Variants in VEGFC observed in about 807,000 individuals in gnomAD.
VEGFC encodes vascular endothelial growth factor C, also known as FLT4 ligand DHM.
VEGFC carries 12 observed loss-of-function variants against 46.1 expected under a neutral mutation model. That is an observed-to-expected ratio of 0.26 (90% CI 0.17 to 0.42). The LOEUF (loss-of-function observed/expected upper bound fraction) is 0.42, where lower values mean the gene tolerates loss of function less well. Among genes scored for constraint, VEGFC ranks in the 10% least tolerant of loss-of-function variants. The pLI, the probability that VEGFC is intolerant of heterozygous loss-of-function variation, is 1.00. For missense variants in VEGFC, 488 were observed against 529.4 expected (o/e 0.92, Z 0.77); for synonymous variants, 232 against 195.5 (o/e 1.19, Z -1.56).
chr4:176,713,063 T>C (rs923978259), intron 3 of VEGFC, among the ~76,000 whole-genome samples: 5 of 152,174 alleles, frequency 3.3e-5, no homozygotes, highest in African/African-American at 1.2e-4. Flanking sequence ...TCTCAGATTA[T>C]AAAGATTACA....
chr4:176,784,849 T>G (rs1314211944), intron 1 of VEGFC, among the ~76,000 whole-genome samples: 3 of 150,514 alleles, frequency 2.0e-5, no homozygotes, highest in African/African-American at 7.3e-5. Context: ...AATTAGCATC[T>G]ACTCATTGTG....
At chr4:176,772,404 T>C (rs1735738704) in intron 1 of VEGFC, among the ~76,000 whole-genome samples, 1 of 152,208 alleles carries the variant, frequency 6.6e-6, no homozygotes, top group African/African-American at 2.4e-5. Flanking sequence ...CAAAAGGTCT[T>C]ACATGGTAGC....
intron 3 of VEGFC, among the ~76,000 whole-genome samples, chr4:176,724,344 A>G (rs1734838836): frequency 6.6e-6 from 1 of 152,162 alleles, no homozygotes; most frequent in South Asian, 2.1e-4. Context: ...ATGTGATACT[A>G]AAAGAGATTT....
At position 176,792,258 on chromosome 4, in the gene VEGFC, C is replaced by A; in HGVS notation, c.54G>T (p.Leu18=). The part of the protein sequence containing the change: ...SVACSLLAAA[L]LPGPREAPAA... ...CGGGCGCCTCGCGAGGACCCGGGAG[C>A]AGCGCAGCGGCGAGCAGAGAACACG... The change falls in exon 1 of 7, where the codon CTG becomes CTT. Residue 18 remains leucine, a synonymous_variant. Transcript: ENST00000618562. The surrounding 1 kb of genome is among the most constrained non-coding windows in gnomAD (Gnocchi z 6.3). 1 of 1,558,202 alleles carries A rather than the reference C, an allele frequency of 6.4e-7. No homozygotes were observed. Among genetic ancestry groups the A allele is most frequent in the Admixed American group, 1.9e-5 (1 of 51,990 alleles).
intron 4 of VEGFC, among the ~76,000 whole-genome samples, chr4:176,709,019 G>A (rs1395824237): frequency 2.6e-5 from 4 of 152,168 alleles, no homozygotes; most frequent in African/African-American, 9.7e-5. Context: ...AATCAGGTAT[G>A]GCTTACTCTA....
intron 4 of VEGFC, among the ~76,000 whole-genome samples, chr4:176,702,636 T>G (rs1489473645): frequency 6.6e-6 from 1 of 152,126 alleles, no homozygotes; most frequent in African/African-American, 2.4e-5. Flanking sequence ...CCTGGTTTAT[T>G]AACTGTGCAC....
chr4:176,770,979 T>TACACAC (rs148140472), intron 1 of VEGFC, among the ~76,000 whole-genome samples: 82,084 of 148,290 alleles, frequency 0.55, 23,562 homozygotes, highest in East Asian at 0.82. Flanking sequence ...AAGTAACTGA[T>TACACAC]ACACACACAC....
chr4:176,766,844 G>A (rs550265064), intron 1 of VEGFC, among the ~76,000 whole-genome samples: 6 of 151,692 alleles, frequency 4.0e-5, no homozygotes, highest in East Asian at 1.9e-4. Context: ...CAGGTTGATC[G>A]TAAATATAAA....
chr4:176,714,486 C>T (rs565558134), intron 3 of VEGFC, among the ~76,000 whole-genome samples: 3 of 152,134 alleles, frequency 2.0e-5, no homozygotes, highest in Non-Finnish European at 2.9e-5. Context: ...TTAGGTATTC[C>T]TTTATAGCAA....
At chr4:176,697,580 T>A (rs1188600012) in intron 4 of VEGFC, among the ~76,000 whole-genome samples, 1 of 150,572 alleles carries the variant, frequency 6.6e-6, no homozygotes, top group African/African-American at 2.4e-5. Context: ...AGTGTGGCGA[T>A]TCCTCAGGGA....
intron 1 of VEGFC, among the ~76,000 whole-genome samples, chr4:176,780,905 G>A (rs1243833737): frequency 1.3e-5 from 2 of 152,220 alleles, no homozygotes; most frequent in East Asian, 1.9e-4. Context: ...TAAGTTATGT[G>A]TCACTGTGTG....
intron 3 of VEGFC, among the ~76,000 whole-genome samples, chr4:176,727,536 G>A (rs899442870): frequency 2.0e-5 from 3 of 152,078 alleles, no homozygotes; most frequent in Admixed American, 6.6e-5. Flanking sequence ...TCTGCATGAG[G>A]CTTTGACTCC....
chr4:176,765,572 T>TTTTTC (rs1330286953), intron 1 of VEGFC, among the ~76,000 whole-genome samples: 3 of 149,920 alleles, frequency 2.0e-5, no homozygotes, highest in Non-Finnish European at 4.4e-5. Context: ...TTTTTTTTTT[T>TTTTTC]TGAGGCAGAG....
intron 1 of VEGFC, among the ~76,000 whole-genome samples, chr4:176,763,337 T>C (rs947318363): frequency 4.8e-5 from 7 of 146,754 alleles, no homozygotes; most frequent in African/African-American, 7.5e-5. Context: ...TCTCACCACA[T>C]TGAAAATAAG....
intron 1 of VEGFC, among the ~76,000 whole-genome samples, chr4:176,779,839 C>A (rs1735878370): frequency 6.6e-6 from 1 of 152,268 alleles, no homozygotes; most frequent in East Asian, 1.9e-4. Flanking sequence ...CAAGAATGAA[C>A]TTAAACATGG....
chr4:176,720,280 T>C (rs1734761613), intron 3 of VEGFC, among the ~76,000 whole-genome samples: 1 of 152,148 alleles, frequency 6.6e-6, no homozygotes, highest in South Asian at 2.1e-4. Context: ...ATCAGAATGA[T>C]GCTTCCTCCC....
intron 4 of VEGFC, chr4:176,689,754 CA>C (rs1238586523): frequency 6.6e-5 from 10 of 152,130 alleles, no homozygotes; most frequent in African/African-American, 2.4e-4. Flanking sequence ...TGCTATACCA[CA>C]AAGTGACAAT....
intron 4 of VEGFC, among the ~76,000 whole-genome samples, chr4:176,697,569 C>G (rs1349963862): frequency 2.0e-5 from 3 of 150,128 alleles, no homozygotes; most frequent in Non-Finnish European, 4.5e-5. Context: ...TTGTGGAAGT[C>G]AGTGTGGCGA....
In VEGFC at chr4:176,754,878, A is replaced by G. The variant is rs566086790; in HGVS notation, c.148-25132T>C. 4.6e-5 allele frequency among the ~76,000 whole-genome samples: 7 copies of G among 152,198 alleles called. No individual in the cohort carries two copies. In the South Asian group the frequency reaches 1.2e-3, roughly 27 times the overall value. ...AAGTTTCTTAGGATATCCACTGATA[A>G]GTCCTAAAGAGAACTGTTATATATT... On this transcript the variant is annotated intron_variant, in intron 1 of 6. Transcript: ENST00000618562.
Sources: gnomAD v4.1 joint callset for allele counts (sites outside exome capture counted in the v4.1 genomes callset) on GRCh38, gnomAD v4.1.1 for gene constraint, Gnocchi (gnomAD v3.1) non-coding constraint, MANE v1.5 for transcripts, NCBI Gene and HGNC (gene_info 2026-07-23, HGNC 2026-07-21) for gene names.